The following NXPE2 variants were observed in gnomAD, a reference collection of about 807,000 sequenced individuals.
NXPE2 encodes NXPE family member 2.
NXPE2 carries 34 observed loss-of-function variants against 34.4 expected under a neutral mutation model. That is an observed-to-expected ratio of 0.99 (90% CI 0.75 to 1.31). The LOEUF (loss-of-function observed/expected upper bound fraction) is 1.31. Among genes scored for constraint, NXPE2 ranks in the 40% most tolerant of loss-of-function variants. The pLI, the probability that NXPE2 is intolerant of heterozygous loss-of-function variation, is 0.00. For synonymous variants in NXPE2, 235 were observed against 231.3 expected, an observed-to-expected ratio of 1.02 and a Z score of -0.15; for missense variants, 649 against 672.5, an observed-to-expected ratio of 0.97 and a Z score of 0.39.
At chr11:114,751,852 G>A in the NXPE2 span, among the ~76,000 whole-genome samples, 2 of 152,046 alleles carry the variant, frequency 1.3e-5, no homozygotes, top group African/African-American at 4.8e-5. Flanking sequence ...AATGGCAGGG[G>A]GGTTAGAGTC....
At chr11:114,723,714 T>A in the NXPE2 span, among the ~76,000 whole-genome samples, 2 of 151,924 alleles carry the variant, frequency 1.3e-5, no homozygotes, top group Non-Finnish European at 2.9e-5. Context: ...CTTTACAAAG[T>A]CTCTGGTGGG....
At chr11:114,692,025 G>A (rs1212940365) in intron 2 of NXPE2, among the ~76,000 whole-genome samples, 2 of 152,118 alleles carry the variant, frequency 1.3e-5, no homozygotes, top group Non-Finnish European at 2.9e-5. Flanking sequence ...GCCTGTGACA[G>A]GAAAAAGACT....
At chr11:114,527,905 C>CA in the NXPE2 span, 463,833 of 1,469,018 alleles carry the variant, frequency 0.32, 43,946 homozygotes, top group East Asian at 0.55. Flanking sequence ...TTTGGACCTT[C>CA]AAAAAAAAAA....
At chr11:114,743,807 G>A in the NXPE2 span, among the ~76,000 whole-genome samples, 3 of 149,566 alleles carry the variant, frequency 2.0e-5, no homozygotes, top group Non-Finnish European at 4.4e-5. Context: ...GTGTGTGTGT[G>A]TATGTGTGTG....
At chr11:114,674,343 G>T (rs1171989588), upstream of NXPE2, among the ~76,000 whole-genome samples, 1 of 151,556 alleles carries the variant, frequency 6.6e-6, no homozygotes, top group Non-Finnish European at 1.5e-5. Flanking sequence ...TTGTGATGTG[G>T]CTCAGACACA....
chr11:114,792,477 C>T, the NXPE2 span, among the ~76,000 whole-genome samples: 1 of 152,206 alleles, frequency 6.6e-6, no homozygotes, highest in Non-Finnish European at 1.5e-5. Flanking sequence ...TAATAACTCT[C>T]TGCTCCCAGC....
chr11:114,570,842 G>A, the NXPE2 span: 3 of 785,158 alleles, frequency 3.8e-6, no homozygotes, highest in East Asian at 5.4e-5. Context: ...GCTCTTGCTA[G>A]TTGGGAATTC....
chr11:114,560,755 G>A, the NXPE2 span, among the ~76,000 whole-genome samples: 1 of 152,174 alleles, frequency 6.6e-6, no homozygotes, highest in Non-Finnish European at 1.5e-5. Flanking sequence ...ATATATGGGT[G>A]TATATGAATA....
At chr11:114,768,293 A>C in the NXPE2 span, among the ~76,000 whole-genome samples, 1 of 152,172 alleles carries the variant, frequency 6.6e-6, no homozygotes, top group South Asian at 2.1e-4. Flanking sequence ...TACCAGTACC[A>C]TGCTGTTTTG....
the NXPE2 span, among the ~76,000 whole-genome samples, chr11:114,651,520 T>C: frequency 5.9e-5 from 9 of 152,340 alleles, no homozygotes; most frequent in Non-Finnish European, 1.2e-4. Flanking sequence ...TGCCACAGCA[T>C]GGAAGAGAAT....
At chr11:114,520,842 T>TA in the NXPE2 span, among the ~76,000 whole-genome samples, 1 of 152,250 alleles carries the variant, frequency 6.6e-6, no homozygotes, top group Non-Finnish European at 1.5e-5. Context: ...CGCTCCTTCA[T>TA]AGGTGGTGTT....
At chr11:114,567,961 C>T in the NXPE2 span, among the ~76,000 whole-genome samples, 5 of 151,730 alleles carry the variant, frequency 3.3e-5, no homozygotes, top group Non-Finnish European at 7.4e-5. Context: ...CTTGTACTTT[C>T]GATATATATA....
At chr11:114,724,045 T>C in the NXPE2 span, among the ~76,000 whole-genome samples, 1 of 152,198 alleles carries the variant, frequency 6.6e-6, no homozygotes, top group Non-Finnish European at 1.5e-5. Context: ...AGAAACTTTC[T>C]GTTTCCTTTT....
chr11:114,636,850 T>C, the NXPE2 span, among the ~76,000 whole-genome samples: 1 of 152,156 alleles, frequency 6.6e-6, no homozygotes, highest in Non-Finnish European at 1.5e-5. Context: ...ATTTCTGTTC[T>C]TTTACATTTT....
At chr11:114,668,030 T>C in the NXPE2 span, among the ~76,000 whole-genome samples, 1 of 151,818 alleles carries the variant, frequency 6.6e-6, no homozygotes, top group African/African-American at 2.4e-5. Context: ...GTTCTACAGG[T>C]ACACACAGAA....
intron 3 of NXPE2, among the ~76,000 whole-genome samples, chr11:114,701,642 T>G (rs1951367178): frequency 6.6e-6 from 1 of 152,152 alleles, no homozygotes; most frequent in Admixed American, 6.5e-5. Flanking sequence ...CATGGACCAT[T>G]CTATTGCTAA....
At chr11:114,782,485 A>G in the NXPE2 span, among the ~76,000 whole-genome samples, 2 of 152,250 alleles carry the variant, frequency 1.3e-5, no homozygotes, top group East Asian at 1.9e-4. Context: ...TTTAACAACC[A>G]TTTTGTGCCT....
the NXPE2 span, chr11:114,580,143 G>A: frequency 2.5e-6 from 4 of 1,613,146 alleles, no homozygotes; most frequent in Non-Finnish European, 3.4e-6. Flanking sequence ...GTTGATACTG[G>A]CTTTGAAGTA....
chr11:114,605,712 C>A, the NXPE2 span, among the ~76,000 whole-genome samples: 1 of 151,688 alleles, frequency 6.6e-6, no homozygotes, highest in African/African-American at 2.4e-5. Flanking sequence ...ATACATGTTA[C>A]CTAATGGGTA....
Sources: allele counts gnomAD v4.1 joint callset (sites outside exome capture counted in the v4.1 genomes callset), GRCh38; gene constraint gnomAD v4.1.1; transcripts MANE v1.5; gene names NCBI Gene and HGNC (gene_info 2026-07-23, HGNC 2026-07-21).